Variants in CCDC106 observed in about 807,000 individuals in gnomAD.
CCDC106 encodes coiled-coil domain-containing protein 106.
A neutral mutation model predicts 24.7 loss-of-function variants in CCDC106; 17 were observed. The observed-to-expected ratio is 0.69, with a 90% CI of 0.47 to 1.03. CCDC106 has a LOEUF of 1.03. Ranked by LOEUF, CCDC106 falls within the 50% of genes least tolerant of loss-of-function variation. CCDC106 has a pLI of 0.00. For missense variants in CCDC106, 337 were observed against 388.9 expected (o/e 0.87, Z 1.12); for synonymous variants, 211 against 161.3 (o/e 1.31, Z -2.34).
Position 55,652,712 on chromosome 19 carries a change from T to C in CCDC106, c.809T>C (p.Leu270Pro). The C allele has an allele frequency of 6.2e-7, 1 of 1,612,678 alleles. No homozygotes were observed. The highest frequency in any genetic ancestry group is 1.7e-5 in the Admixed American group (1 of 60,012). Residue 270 changes from leucine to proline, a missense_variant, in exon 5 of 5, where the codon CTG (leucine) becomes CCG (proline). Physicochemically the swap from Leu to Pro is moderately conservative, Grantham distance 98. Transcript: ENST00000586790. This position sits in a 1 kb window ranked among gnomAD's most constrained non-coding sequence, Gnocchi z 5.9. ...KKVQALKKSK[L>P]LLPITYRFKR ...GTGCAGGCGCTCAAGAAGAGCAAGCTGCTGCTGCCCATCACCTACCGCTTC... is the reference window on the plus strand; with the variant it reads ...GTGCAGGCGCTCAAGAAGAGCAAGCCGCTGCTGCCCATCACCTACCGCTTC...
Position 55,652,997 on chromosome 19 carries a change from C to T in CCDC106, c.*251C>T, listed in dbSNP as rs964348411. On this transcript the variant is annotated 3_prime_UTR_variant, in exon 5 of 5. Transcript: ENST00000586790. The surrounding 1 kb of genome is among the most constrained non-coding windows in gnomAD (Gnocchi z 5.9). ...CCTTCCTCCTGGAAAACCAGGCAGG[C>T]GGGTGCCCCCCCCTCGAGTGGGGGA... The T allele has an allele frequency of 1.8e-5, 8 of 450,872 alleles. No homozygotes were observed. Among genetic ancestry groups the T allele is most frequent in the Non-Finnish European group, 2.8e-5 (7 of 254,138 alleles). 27.9% of individuals were successfully genotyped at this position (450,872 alleles called of 1,614,324 possible).
At chr19:55,651,160 G>T in intron 3 of CCDC106, 123 bp from the exon 4 acceptor site, 1 of 758,958 alleles carries the variant, frequency 1.3e-6, no homozygotes, top group Non-Finnish European at 2.3e-6. Context: ...TTGTCTCTCT[G>T]TCTCTTTAGG....
Position 55,652,673 on chromosome 19 carries a change from A to C in CCDC106, c.770A>C (p.Glu257Ala). The C allele has an allele frequency of 6.2e-7, 1 of 1,613,072 alleles. No individual in the cohort carries two copies. The highest frequency in any genetic ancestry group is 8.5e-7 in the Non-Finnish European group (1 of 1,179,920). Residue 257 changes from glutamate to alanine, a missense_variant, in exon 5 of 5, where the codon GAG (glutamate) becomes GCG (alanine). This residue lies in a region of CCDC106 where 103 missense variants were observed against 152.4 expected (regional missense o/e 0.68). Transcript: ENST00000586790. This position sits in a 1 kb window ranked among gnomAD's most constrained non-coding sequence, Gnocchi z 5.9. Reference protein sequence around the residue: ...SRRCFLALDDETLKKVQALKK... With the variant: ...SRRCFLALDDATLKKVQALKK... ...CGCTGCTTTCTGGCCCTGGACGACG[A>C]GACGCTCAAGAAGGTGCAGGCGCTC...
Position 55,648,834 on chromosome 19 carries a change from G to T in CCDC106, c.-213G>T. 1.6e-6 allele frequency: 1 copy of T among 618,218 alleles called. No homozygotes were observed. The highest frequency in any genetic ancestry group is 2.8e-5 in the Admixed American group (1 of 35,312). 38.3% of individuals were successfully genotyped at this position (618,218 alleles called of 1,614,324 possible). The stretch of plus-strand genomic sequence containing the variant: ...CCTGCCCCTGACTCCAGGAGCCCAG[G>T]AGTTTGAAGCCCAGGCGCGTTTTGC... On this transcript the variant is annotated 5_prime_UTR_variant, in exon 1 of 5. Transcript: ENST00000586790.
At position 55,652,560 on chromosome 19, in the gene CCDC106, C is replaced by T. The variant is rs756798046; in HGVS notation, c.657C>T (p.Ile219=). ...DRNTVALTTP[I]AELLIVAPEK... is the part of the protein sequence containing the mutation. ...ACACCGTGGCGCTGACCACGCCCAT[C>T]GCCGAGCTGCTCATTGTGGCCCCCG... The change falls in exon 5 of 5, where the codon ATC becomes ATT. Residue 219 remains isoleucine (I), a synonymous_variant. Transcript: ENST00000586790. The surrounding 1 kb of genome is among the most constrained non-coding windows in gnomAD (Gnocchi z 5.9). The T allele has an allele frequency of 1.9e-6, 3 of 1,613,588 alleles. No homozygotes were observed. The highest frequency in any genetic ancestry group is 1.1e-5 in the South Asian group (1 of 91,050).
Position 55,649,295 on chromosome 19 carries a change from G to A in CCDC106, c.122G>A (p.Arg41Gln), listed in dbSNP as rs371601495. 1.1e-4 allele frequency: 184 copies of A among 1,613,748 alleles called. No homozygotes were observed. The highest frequency in any genetic ancestry group is 1.1e-4 in the Non-Finnish European group (130 of 1,179,892). The change falls in exon 2 of 5, where the codon CGG (arginine) becomes CAG (glutamine). Residue 41 changes from arginine to glutamine, a missense_variant. Physicochemically the swap from Arg to Gln is conservative, Grantham distance 43. Transcript: ENST00000586790. ...PQIFYSLSPS[R>Q]RNFEEPPEAA... is the part of the protein sequence containing the mutation. Reference sequence around the variant, plus strand: ...ATCTTTTACAGTCTGAGCCCCTCTCGGAGAAACTTCGAGGGTGAGCTGAGG... The same window carrying A: ...ATCTTTTACAGTCTGAGCCCCTCTCAGAGAAACTTCGAGGGTGAGCTGAGG...
Position 55,652,533 on chromosome 19 carries a change from G to A in CCDC106, c.630G>A (p.Arg210=), listed in dbSNP as rs1330354371. The change falls in exon 5 of 5, where the codon AGG becomes AGA. Residue 210 remains arginine (R), a synonymous_variant. Transcript: ENST00000586790. The surrounding 1 kb of genome is among the most constrained non-coding windows in gnomAD (Gnocchi z 5.9). ...SRAFEHHRVD[R]NTVALTTPIA... ...CCTTCGAGCACCACCGCGTGGACAG[G>A]AACACCGTGGCGCTGACCACGCCCA... 6 of 1,613,660 alleles carry A rather than the reference G, an allele frequency of 3.7e-6. No homozygotes were observed. The highest frequency in any genetic ancestry group is 4.2e-6 in the Non-Finnish European group (5 of 1,179,978).
chr19:55,651,133 C>T (rs767810838), intron 3 of CCDC106, 150 bp from the exon 4 acceptor site: 18 of 655,976 alleles, frequency 2.7e-5, no homozygotes, highest in African/African-American at 9.0e-5. Context: ...CAGCCACCAG[C>T]GTCTCTACCG....
rs1983034547 is a variant in CCDC106 at position 55,648,783 on chromosome 19, C to G, written c.-264C>G. The G allele has an allele frequency of 1.1e-5, 6 of 568,734 alleles. No homozygotes were observed. The highest frequency in any genetic ancestry group is 1.9e-5 in the Non-Finnish European group (6 of 319,018). 35.2% of individuals were successfully genotyped at this position (568,734 alleles called of 1,614,324 possible). On this transcript the variant is annotated 5_prime_UTR_variant, in exon 1 of 5. Transcript: ENST00000586790. ...GAGCCCACGTCCCCAGCTCACTTCT[C>G]CCCCAGGACCTAGGCGGCTGGGCCC...
rs1351671642 is a variant in CCDC106 at position 55,652,752 on chromosome 19, C to T, written c.*6C>T. ...CCTACCGCTTCAAGCGGTGATCGCA[C>T]CACGCCTCCGCGCCTCCACCCGGGC... On this transcript the variant is annotated 3_prime_UTR_variant, in exon 5 of 5. Transcript: ENST00000586790. The surrounding 1 kb of genome is among the most constrained non-coding windows in gnomAD (Gnocchi z 5.9). 1.9e-6 allele frequency: 3 copies of T among 1,602,298 alleles called. No homozygotes were observed. The highest frequency in any genetic ancestry group is 1.7e-5 in the Admixed American group (1 of 59,562).
rs534269975 is a variant in CCDC106, at chr19:55,648,749, G to C, written c.-298G>C. 1.1e-3 allele frequency: 561 copies of C among 500,642 alleles called. 3 individuals are homozygous for C. Among genetic ancestry groups the C allele is most frequent in the Non-Finnish European group, 1.8e-3 (515 of 281,442 alleles). The allele number at this position is 500,642 out of a possible 1,614,324, so 31.0% of individuals were successfully genotyped here. On this transcript the variant is annotated 5_prime_UTR_variant, in exon 1 of 5. Coordinates refer to ENST00000586790, the MANE Select transcript of CCDC106 (RefSeq NM_001370470.1). ...TAGGGCTTCAGCTTCCTTTTCCTTC[G>C]ATACCCAGGAGCCCACGTCCCCAGC... is the stretch of plus-strand genomic sequence containing the variant.
At chr19:55,651,618 TTC>T in intron 4 of CCDC106, 123 bp downstream of exon 4, 2 of 675,124 alleles carry the variant, frequency 3.0e-6, no homozygotes, top group Non-Finnish European at 5.0e-6. Context: ...ACCCACCGGG[TTC>T]TGTCTCTCCC....
rs955678204 is a variant in CCDC106, at chr19:55,652,318, G to A, written c.527-112G>A. On this transcript the variant is annotated intron_variant, in intron 4 of 4. Transcript: ENST00000586790. The surrounding 1 kb of genome is among the most constrained non-coding windows in gnomAD (Gnocchi z 5.9). The stretch of plus-strand genomic sequence containing the variant: ...TCTCCGTCTCCACCTGCACCGGCCC[G>A]TGCCTCTGCTCGCCGAGATCCTTTC... 21 of 895,216 alleles carry A rather than the reference G, an allele frequency of 2.3e-5. No individual in the cohort carries two copies. The highest frequency in any genetic ancestry group is 3.1e-5 in the Non-Finnish European group (18 of 581,348). The allele number at this position is 895,216 out of a possible 1,614,324, so 55.5% of individuals were successfully genotyped here. A position where few individuals can be genotyped will look rare whatever the true frequency, so the allele number is the denominator to read the frequency against.
chr19:55,647,826 C>T (rs1030229751), upstream of CCDC106, among the ~76,000 whole-genome samples: 1 of 152,024 alleles, frequency 6.6e-6, no homozygotes, highest in Non-Finnish European at 1.5e-5. Context: ...AAAGTAGATT[C>T]TCCTTTCGCT....
upstream of CCDC106, among the ~76,000 whole-genome samples, chr19:55,647,485 C>G (rs1390507744): frequency 6.6e-6 from 1 of 152,224 alleles, no homozygotes; most frequent in Non-Finnish European, 1.5e-5. Flanking sequence ...TCAGCCCTGA[C>G]GATGGCCAGG....
At chr19:55,651,985 T>A (rs918641726) in intron 4 of CCDC106, among the ~76,000 whole-genome samples, 1 of 152,050 alleles carries the variant, frequency 6.6e-6, no homozygotes, top group Non-Finnish European at 1.5e-5. Flanking sequence ...CTTTTAAGTT[T>A]TGGTCCACCG....
rs1236011267 is a variant in CCDC106 at position 55,648,573 on chromosome 19, G to C, written c.-474G>C. ...AAGGTAGAGGAGGCAGCGCGCACGGGCTGGACCTCCTCCTACCCTGGGAAG... is the reference window on the plus strand; with the variant it reads ...AAGGTAGAGGAGGCAGCGCGCACGGCCTGGACCTCCTCCTACCCTGGGAAG... On this transcript the variant is annotated 5_prime_UTR_variant, in exon 1 of 5. Coordinates refer to ENST00000586790, the MANE Select transcript of CCDC106 (RefSeq NM_001370470.1). 5.7e-6 allele frequency: 1 copy of C among 175,322 alleles called. No individual in the cohort carries two copies. The highest frequency in any genetic ancestry group is 1.2e-5 in the Non-Finnish European group (1 of 81,422). The allele number at this position is 175,322 out of a possible 1,614,324, so 10.9% of individuals were successfully genotyped here. A position where few individuals can be genotyped will look rare whatever the true frequency, so the allele number is the denominator to read the frequency against.
At position 55,652,834 on chromosome 19, in the gene CCDC106, C is replaced by T; in HGVS notation, c.*88C>T. On this transcript the variant is annotated 3_prime_UTR_variant, in exon 5 of 5. Coordinates refer to ENST00000586790, the MANE Select transcript of CCDC106 (RefSeq NM_001370470.1). The surrounding 1 kb of genome is among the most constrained non-coding windows in gnomAD (Gnocchi z 5.9). ...TGCCCCTCTCCCCGCCGCGCCCCTG[C>T]CCCTCCTCCTCGCTCCCTGGGTTGG... 5.1e-6 allele frequency: 6 copies of T among 1,174,932 alleles called. No individual in the cohort carries two copies. Among genetic ancestry groups the T allele is most frequent in the Non-Finnish European group, 7.1e-6 (6 of 841,052 alleles). 72.8% of individuals were successfully genotyped at this position (1,174,932 alleles called of 1,614,324 possible). A position where few individuals can be genotyped will look rare whatever the true frequency, so the allele number is the denominator to read the frequency against.
chr19:55,650,030 T>A (rs1983136817), intron 3 of CCDC106, among the ~76,000 whole-genome samples: 1 of 151,926 alleles, frequency 6.6e-6, no homozygotes. Context: ...GATCCAAGAG[T>A]CCAGCCATCC....
Sources: gnomAD v4.1 joint callset for allele counts (sites outside exome capture counted in the v4.1 genomes callset) on GRCh38, gnomAD v4.1.1 for gene constraint, gnomAD v4.1.1 regional missense constraint, Gnocchi (gnomAD v3.1) non-coding constraint, MANE v1.5 for transcripts, NCBI Gene and HGNC (gene_info 2026-07-23, HGNC 2026-07-21) for gene names.